The following AGTR1 variants were observed in gnomAD, a reference collection of about 807,000 sequenced individuals.
AGTR1 encodes the protein type-1 angiotensin II receptor.
AGTR1 carries 16 observed loss-of-function variants against 19.4 expected under a neutral mutation model. The ratio of observed to expected loss-of-function variants is 0.82; its 90% CI spans 0.56 to 1.25. AGTR1 has a LOEUF of 1.25. Among genes scored for constraint, AGTR1 ranks in the 50% most tolerant of loss-of-function variants. The pLI, the probability that AGTR1 is intolerant of heterozygous loss-of-function variation, is 0.00. For missense variants in AGTR1, 373 were observed against 431.9 expected (o/e 0.86, Z 1.21); for synonymous variants, 153 against 154.9 (o/e 0.99, Z 0.09).
chr3:148,707,781 G>A (rs1237107235), intron 1 of AGTR1, among the ~76,000 whole-genome samples, 163 bp from the exon 2 acceptor site: 2 of 152,076 alleles, frequency 1.3e-5, no homozygotes, highest in Admixed American at 6.6e-5. Context: ...ACTTAATGCA[G>A]TCTAGCTCTA....
At chr3:148,707,539 G>A (rs1559922726) in intron 1 of AGTR1, among the ~76,000 whole-genome samples, 1 of 152,112 alleles carries the variant, frequency 6.6e-6, no homozygotes, top group Non-Finnish European at 1.5e-5. Flanking sequence ...TTTATACTAA[G>A]TAATAGAATC....
intron 1 of AGTR1, 166 bp downstream of exon 1, chr3:148,698,293 C>T (rs543763561): frequency 6.5e-6 from 1 of 152,706 alleles, no homozygotes; most frequent in South Asian, 2.1e-4. Context: ...GCTGGCCACA[C>T]TTTCCCAAAT....
At chr3:148,738,725 G>C (rs1390093967) in intron 2 of AGTR1, among the ~76,000 whole-genome samples, 1 of 152,134 alleles carries the variant, frequency 6.6e-6, no homozygotes, top group African/African-American at 2.4e-5. Flanking sequence ...TTTTCTACCT[G>C]TTTATTTCGT....
intron 2 of AGTR1, among the ~76,000 whole-genome samples, chr3:148,712,767 T>C (rs1005756964): frequency 6.6e-6 from 1 of 152,154 alleles, no homozygotes; most frequent in African/African-American, 2.4e-5. Flanking sequence ...TACAAAATTA[T>C]TGTATAGCAG....
At chr3:148,721,744 G>A (rs1713649649) in intron 2 of AGTR1, among the ~76,000 whole-genome samples, 1 of 152,190 alleles carries the variant, frequency 6.6e-6, no homozygotes, top group South Asian at 2.1e-4. Flanking sequence ...GTTGAGAGCT[G>A]CACAGAGAAC....
At chr3:148,704,986 A>G (rs1712586201) in intron 1 of AGTR1, among the ~76,000 whole-genome samples, 1 of 152,244 alleles carries the variant, frequency 6.6e-6, no homozygotes, top group South Asian at 2.1e-4. Context: ...CAGGGCTGCC[A>G]TCATGACAAG....
At chr3:148,710,900 C>A (rs1443656807) in intron 2 of AGTR1, among the ~76,000 whole-genome samples, 1 of 152,026 alleles carries the variant, frequency 6.6e-6, no homozygotes, top group African/African-American at 2.4e-5. Flanking sequence ...GACACCTCCC[C>A]CCTCTCTCTC....
chr3:148,739,208 A>G (rs1351152842), intron 2 of AGTR1, among the ~76,000 whole-genome samples: 1 of 152,164 alleles, frequency 6.6e-6, no homozygotes, highest in African/African-American at 2.4e-5. Context: ...AAAATAAAAA[A>G]ATTAGCTGGG....
chr3:148,740,290 G>A (rs1223428981), intron 2 of AGTR1, among the ~76,000 whole-genome samples: 2 of 152,180 alleles, frequency 1.3e-5, no homozygotes, highest in African/African-American at 4.8e-5. Context: ...AGGTATGAAG[G>A]TTAGAAGATT....
At chr3:148,737,239 A>G (rs549548609) in intron 2 of AGTR1, among the ~76,000 whole-genome samples, 1 of 152,076 alleles carries the variant, frequency 6.6e-6, no homozygotes, top group African/African-American at 2.4e-5. Flanking sequence ...GCGTTGTGCA[A>G]TATCTGTTAA....
rs372129136 is a variant in AGTR1, at chr3:148,706,071, T to C, written c.-131-1873T>C. On this transcript the variant is annotated intron_variant, in intron 1 of 2. Transcript: ENST00000349243. ...TACCTACAAAATTTTCTATAATGGA[T>C]CTCTATTGATTTTATATTTTTTACT... Among the ~76,000 whole-genome samples the C allele has an allele frequency of 9.9e-5, 15 of 152,084 alleles. No individual in the cohort carries two copies. The East Asian group carries it at 2.7e-3, about 27-fold the overall frequency.
At chr3:148,731,797 T>A (rs1315594577) in intron 2 of AGTR1, among the ~76,000 whole-genome samples, 1 of 152,222 alleles carries the variant, frequency 6.6e-6, no homozygotes, top group African/African-American at 2.4e-5. Context: ...TCTTCCTCAA[T>A]TTTTACAGCA....
chr3:148,733,005 G>A (rs898082024), intron 2 of AGTR1, among the ~76,000 whole-genome samples: 1 of 151,946 alleles, frequency 6.6e-6, no homozygotes, highest in African/African-American at 2.4e-5. Context: ...CTCCCAAAGT[G>A]CTGGGATTAC....
At chr3:148,723,318 A>G (rs553733922) in intron 2 of AGTR1, among the ~76,000 whole-genome samples, 9 of 152,246 alleles carry the variant, frequency 5.9e-5, no homozygotes, top group Non-Finnish European at 1.2e-4. Context: ...GATAAGAACT[A>G]TTCAAAAATA....
chr3:148,741,378 A>G lies in AGTR1; in HGVS notation c.343A>G (p.Ser115Gly), dbSNP rs1402676563. The G allele has an allele frequency of 1.2e-6, 2 of 1,604,002 alleles. No homozygotes were observed. Among genetic ancestry groups the G allele is most frequent in the East Asian group, 2.2e-5 (1 of 44,850 alleles). Reference protein sequence around the residue: ...SASVSFNLYASVFLLTCLSID... With the variant: ...SASVSFNLYAGVFLLTCLSID... ...CAGCGTCAGTTTCAACCTGTACGCT[A>G]GTGTGTTTCTACTCACGTGTCTCAG... Residue 115 changes from serine (S) to glycine (G), a missense_variant, in exon 3 of 3, where the codon AGT becomes GGT. Ser to Gly is a moderately conservative substitution (Grantham distance 56). Transcript: ENST00000349243.
intron 2 of AGTR1, among the ~76,000 whole-genome samples, chr3:148,732,455 TGA>T (rs1425574779): frequency 6.6e-6 from 1 of 152,250 alleles, no homozygotes; most frequent in Non-Finnish European, 1.5e-5. Flanking sequence ...AATCTTATGT[TGA>T]GTTTCTTTAT....
Position 148,742,163 on chromosome 3 carries a change from G to C in AGTR1, c.*48G>C. ...AGTAATTTTGTGAAAGAAGGAGCAA[G>C]AGAACATTCCTCTGCAGCACTTCAC... On this transcript the variant is annotated 3_prime_UTR_variant, in exon 3 of 3. Transcript: ENST00000349243. 6.2e-7 allele frequency: 1 copy of C among 1,605,290 alleles called. No homozygotes were observed. Among genetic ancestry groups the C allele is most frequent in the South Asian group, 1.1e-5 (1 of 90,820 alleles).
At position 148,698,088 on chromosome 3, in the gene AGTR1, C is replaced by G. The variant is rs2107918752; in HGVS notation, c.-171C>G. 1 of 152,236 alleles carries G rather than the reference C, an allele frequency of 6.6e-6. No homozygotes were observed. The highest frequency in any genetic ancestry group is 2.4e-5 in the African/African-American group (1 of 41,558). 9.4% of individuals were successfully genotyped at this position (152,236 alleles called of 1,614,324 possible). ...GGGCGGGAGACCCGCACCAGCGCAG[C>G]CGGCCCTCGGCGGGACGTGACGCAG... On this transcript the variant is annotated 5_prime_UTR_variant, in exon 1 of 3. Transcript: ENST00000349243.
rs756951904 is a variant in AGTR1, at chr3:148,741,462, C to A, written c.427C>A (p.Leu143Ile). Residue 143 changes from leucine to isoleucine, a missense_variant, in exon 3 of 3, where the codon CTT becomes ATT. Transcript: ENST00000349243. ...PMKSRLRRTMLVAKVTCIIIW... is the reference protein window; with the variant it reads ...PMKSRLRRTMIVAKVTCIIIW... Reference sequence around the variant, plus strand: ...GAAGTCCCGCCTTCGACGCACAATGCTTGTAGCCAAAGTCACCTGCATCAT... The same window carrying A: ...GAAGTCCCGCCTTCGACGCACAATGATTGTAGCCAAAGTCACCTGCATCAT... 1.4e-5 allele frequency: 23 copies of A among 1,612,094 alleles called. No homozygotes were observed. The East Asian group carries it at 4.7e-4, about 33-fold the overall frequency.
Sources: allele counts gnomAD v4.1 joint callset (sites outside exome capture counted in the v4.1 genomes callset), GRCh38; gene constraint gnomAD v4.1.1; transcripts MANE v1.5; gene names NCBI Gene and HGNC (gene_info 2026-07-23, HGNC 2026-07-21).